Variants in RFX3 observed in about 807,000 individuals in gnomAD.
RFX3 encodes the protein transcription factor RFX3.
Under a neutral mutation model 98.6 loss-of-function variants are expected in RFX3, and 14 were observed. The ratio of observed to expected loss-of-function variants is 0.14; its 90% CI spans 0.09 to 0.22. The LOEUF is 0.22. Ranked by LOEUF, RFX3 falls within the 10% of genes least tolerant of loss-of-function variation. RFX3 has a pLI of 1.00. For missense variants in RFX3, 639 were observed against 926.9 expected, an observed-to-expected ratio of 0.69 and a Z score of 4.03; for synonymous variants, 383 against 328.4, an observed-to-expected ratio of 1.17 and a Z score of -1.80.
chr9:3,343,505 C>T (rs1587195528), intron 3 of RFX3, among the ~76,000 whole-genome samples: 1 of 152,148 alleles, frequency 6.6e-6, no homozygotes, highest in East Asian at 1.9e-4. Context: ...CTAAAATGAA[C>T]ATTAGAGACA....
chr9:3,414,806 A>G (rs1453172257), intron 1 of RFX3, among the ~76,000 whole-genome samples: 1 of 137,540 alleles, frequency 7.3e-6, no homozygotes, highest in African/African-American at 2.7e-5. Flanking sequence ...ATATGAGTAT[A>G]TATGTATATA....
At chr9:3,284,606 A>G (rs1826333842) in intron 7 of RFX3, among the ~76,000 whole-genome samples, 1 of 151,678 alleles carries the variant, frequency 6.6e-6, no homozygotes, top group South Asian at 2.1e-4. Context: ...TTTAGTCATT[A>G]GAGTGATATT....
At chr9:3,508,996 GGA>G (rs754948028) in intron 1 of RFX3, among the ~76,000 whole-genome samples, 21 of 151,442 alleles carry the variant, frequency 1.4e-4, no homozygotes, top group Non-Finnish European at 2.5e-4. Flanking sequence ...GACACAGAGA[GGA>G]GAGAGAGAGA....
intron 1 of RFX3, among the ~76,000 whole-genome samples, chr9:3,518,809 T>C (rs570649636): frequency 6.6e-6 from 1 of 152,194 alleles, no homozygotes; most frequent in South Asian, 2.1e-4. Flanking sequence ...TGTTCCAAGG[T>C]TACTTTACAA....
intron 1 of RFX3, among the ~76,000 whole-genome samples, chr9:3,429,055 CT>C (rs1219528888): frequency 2.0e-5 from 3 of 148,148 alleles, no homozygotes; most frequent in African/African-American, 7.5e-5. Context: ...CGGAGTCTCG[CT>C]GTGTCTCCCA....
chr9:3,417,818 C>T (rs988482485), intron 1 of RFX3, among the ~76,000 whole-genome samples: 1 of 152,106 alleles, frequency 6.6e-6, no homozygotes, highest in African/African-American at 2.4e-5. Flanking sequence ...AATTTGTAAA[C>T]TCACAAAATT....
chr9:3,362,600 A>T (rs1210753867), intron 2 of RFX3, among the ~76,000 whole-genome samples: 1 of 152,238 alleles, frequency 6.6e-6, no homozygotes, highest in Non-Finnish European at 1.5e-5. Flanking sequence ...CTAAAACTAC[A>T]TGATTGCTAT....
At chr9:3,340,712 T>C (rs1378855632) in intron 3 of RFX3, among the ~76,000 whole-genome samples, 1 of 152,170 alleles carries the variant, frequency 6.6e-6, no homozygotes, top group Non-Finnish European at 1.5e-5. Flanking sequence ...AGATACCATC[T>C]CACACCAGTT....
intron 1 of RFX3, among the ~76,000 whole-genome samples, chr9:3,422,343 G>A (rs962742839): frequency 1.3e-5 from 2 of 152,194 alleles, no homozygotes; most frequent in African/African-American, 4.8e-5. Flanking sequence ...TGTTGGTAAT[G>A]GTGGTGGTAA....
rs1835412431 is a variant in RFX3, at chr9:3,353,609, C to G, written c.118-6845G>C. Among the ~76,000 whole-genome samples, 5 of 152,058 alleles carry G rather than the reference C, an allele frequency of 3.3e-5. No individual in the cohort carries two copies. The South Asian group carries it at 1.0e-3, about 32-fold the overall frequency. ...AGCCTTAGTAGTAGGGCTGTACTAG[C>G]TCTAGAGTAAAGACAACTTTAGGCT... On this transcript the variant is annotated intron_variant, in intron 2 of 16. Transcript: ENST00000617270.
At chr9:3,508,234 A>G (rs1180551574) in intron 1 of RFX3, among the ~76,000 whole-genome samples, 2 of 151,980 alleles carry the variant, frequency 1.3e-5, no homozygotes, top group Non-Finnish European at 2.9e-5. Flanking sequence ...CAACAAATAC[A>G]GCAGTCTAGT....
intron 1 of RFX3, among the ~76,000 whole-genome samples, chr9:3,505,451 A>AAAATAAAATACTTTATATTATAT (rs1564187575): frequency 1.2e-4 from 3 of 24,718 alleles, no homozygotes; most frequent in African/African-American, 2.8e-4. Flanking sequence ...ATATTTATAT[A>AAAATAAAATACTTTATATTATAT]AAATATAAAA....
At chr9:3,443,176 A>G (rs886303836) in intron 1 of RFX3, among the ~76,000 whole-genome samples, 2 of 152,196 alleles carry the variant, frequency 1.3e-5, no homozygotes, top group Non-Finnish European at 2.9e-5. Flanking sequence ...CTACACATCC[A>G]TTAGAATGGC....
chr9:3,389,995 A>C (rs2131843062), intron 2 of RFX3, among the ~76,000 whole-genome samples: 1 of 152,326 alleles, frequency 6.6e-6, no homozygotes, highest in Admixed American at 6.5e-5. Flanking sequence ...TAAACAAAAA[A>C]TCATAAAAAC....
intron 6 of RFX3, among the ~76,000 whole-genome samples, chr9:3,290,454 A>T (rs951852873): frequency 6.6e-6 from 1 of 152,320 alleles, no homozygotes; most frequent in Non-Finnish European, 1.5e-5. Flanking sequence ...ACAACAATAC[A>T]GCTATTAGAA....
At chr9:3,252,148 G>A (rs1163137241) in intron 14 of RFX3, among the ~76,000 whole-genome samples, 1 of 152,144 alleles carries the variant, frequency 6.6e-6, no homozygotes, top group Non-Finnish European at 1.5e-5. Context: ...AACAACTAAG[G>A]AGAATGTTCA....
chr9:3,356,077 G>A (rs1006177211), intron 2 of RFX3, among the ~76,000 whole-genome samples: 1 of 102,726 alleles, frequency 9.7e-6, no homozygotes, highest in Non-Finnish European at 1.7e-5. Context: ...TATATATTAG[G>A]GGGAAAAAAA....
chr9:3,403,496 G>T (rs1841672977), intron 1 of RFX3, among the ~76,000 whole-genome samples: 1 of 152,274 alleles, frequency 6.6e-6, no homozygotes, highest in African/African-American at 2.4e-5. Flanking sequence ...ACTGATGACA[G>T]TGATTAATGC....
intron 4 of RFX3, among the ~76,000 whole-genome samples, chr9:3,318,227 A>C (rs1273007468): frequency 2.0e-5 from 3 of 152,206 alleles, no homozygotes; most frequent in Non-Finnish European, 4.4e-5. Context: ...TTGTAGAGAC[A>C]TGGATGAAGC....
Sources: allele counts gnomAD v4.1 joint callset (sites outside exome capture counted in the v4.1 genomes callset), GRCh38; gene constraint gnomAD v4.1.1; transcripts MANE v1.5; gene names NCBI Gene and HGNC (gene_info 2026-07-23, HGNC 2026-07-21).